The following PNPLA3 variants were observed in gnomAD, a reference collection of about 807,000 sequenced individuals.
The protein encoded by PNPLA3 is patatin like domain 3, 1-acylglycerol-3-phosphate O-acyltransferase.
Under a neutral mutation model 43.1 loss-of-function variants are expected in PNPLA3, and 42 were observed. The ratio of observed to expected loss-of-function variants is 0.97; its 90% CI spans 0.76 to 1.26. The LOEUF is 1.26. Ranked by LOEUF, PNPLA3 falls within the 50% of genes most tolerant of loss-of-function variation. The pLI, the probability that PNPLA3 is intolerant of heterozygous loss-of-function variation, is 0.00. For missense variants in PNPLA3, 647 were observed against 621.4 expected (o/e 1.04, Z -0.44); for synonymous variants, 272 against 253.6 (o/e 1.07, Z -0.69).
At position 43,940,139 on chromosome 22, in the gene PNPLA3, G is replaced by C. The variant is rs138736228; in HGVS notation, c.1112+14G>C. On this transcript the variant is annotated intron_variant, in intron 7 of 8. Coordinates refer to ENST00000216180, the MANE Select transcript of PNPLA3 (RefSeq NM_025225.3). ...GATTGTCCAGAGGTGAGCATTTTAG[G>C]TGGCTCCGTGTCTTCCTCACAGGGT... 6.2e-7 allele frequency: 1 copy of C among 1,611,980 alleles called. No individual in the cohort carries two copies. The highest frequency in any genetic ancestry group is 2.2e-5 in the East Asian group (1 of 44,868).
At chr22:43,944,023 T>C (rs2146791802) in intron 7 of PNPLA3, among the ~76,000 whole-genome samples, 1 of 152,208 alleles carries the variant, frequency 6.6e-6, no homozygotes, top group Non-Finnish European at 1.5e-5. Flanking sequence ...CCTGACCTCC[T>C]GACCTGCCTG....
intron 7 of PNPLA3, among the ~76,000 whole-genome samples, chr22:43,940,801 C>T (rs759693983): frequency 6.6e-5 from 10 of 151,148 alleles, no homozygotes; most frequent in Non-Finnish European, 1.2e-4. Flanking sequence ...AGGAGAGAAA[C>T]CCTATCTCAA....
At chr22:43,941,148 C>CA (rs577344067) in intron 7 of PNPLA3, among the ~76,000 whole-genome samples, 25,497 of 79,744 alleles carry the variant, frequency 0.32, 4,542 homozygotes, top group East Asian at 0.38. Flanking sequence ...AACTCCGACT[C>CA]AAAAAAAAAA....
chr22:43,944,025 ACCTG>A (rs947974411), intron 7 of PNPLA3, among the ~76,000 whole-genome samples: 14 of 151,848 alleles, frequency 9.2e-5, no homozygotes, highest in African/African-American at 3.4e-4. Flanking sequence ...TGACCTCCTG[ACCTG>A]CCTGCCTTGG....
chr22:43,944,905 C>A, intron 8 of PNPLA3, 110 bp downstream of exon 8: 3 of 972,880 alleles, frequency 3.1e-6, no homozygotes, highest in Non-Finnish European at 4.8e-6. Context: ...AAGGAGCTTG[C>A]CCTTGGGTGT....
At chr22:43,928,377 T>C (rs1334301485) in intron 2 of PNPLA3, among the ~76,000 whole-genome samples, 1 of 152,190 alleles carries the variant, frequency 6.6e-6, no homozygotes, top group Non-Finnish European at 1.5e-5. Flanking sequence ...TTGAGCTTAT[T>C]GGAATGGCAG....
At position 43,923,818 on chromosome 22, in the gene PNPLA3, G is replaced by C. The variant is rs1460629532; in HGVS notation, c.-94G>C. 7 of 1,269,798 alleles carry C rather than the reference G, an allele frequency of 5.5e-6. No individual in the cohort carries two copies. The highest frequency in any genetic ancestry group is 3.2e-5 in the African/African-American group (2 of 63,266). The allele number at this position is 1,269,798 out of a possible 1,614,324, so 78.7% of individuals were successfully genotyped here. Reference sequence around the variant, plus strand: ...CTGAGGCAGGGTAGAGAGCGCTTGCGGGCGCCGGGCGGAGCTGCTGCGGAT... The same window carrying C: ...CTGAGGCAGGGTAGAGAGCGCTTGCCGGCGCCGGGCGGAGCTGCTGCGGAT... On this transcript the variant is annotated 5_prime_UTR_variant, in exon 1 of 9. Coordinates refer to ENST00000216180, the MANE Select transcript of PNPLA3 (RefSeq NM_025225.3).
chr22:43,941,992 C>A (rs1211848250), intron 7 of PNPLA3, among the ~76,000 whole-genome samples: 1 of 152,146 alleles, frequency 6.6e-6, no homozygotes, highest in East Asian at 1.9e-4. Flanking sequence ...CTGGACTTGG[C>A]AGTTTAATAC....
rs367607099 is a variant in PNPLA3, at chr22:43,944,829, C to T, written c.1217+34C>T. 27 of 1,551,688 alleles carry T rather than the reference C, an allele frequency of 1.7e-5. No individual in the cohort carries two copies. The African/African-American group carries it at 1.8e-4, about 10-fold the overall frequency. ...TTTGGCTGTGGGTGTGTGGGCCGGACGGGCACCTCTCTCATCTGATGAGGC... is the reference window on the plus strand; with the variant it reads ...TTTGGCTGTGGGTGTGTGGGCCGGATGGGCACCTCTCTCATCTGATGAGGC... On this transcript the variant is annotated intron_variant, in intron 8 of 8. Transcript: ENST00000216180.
In PNPLA3 at chr22:43,923,977, C is replaced by T; in HGVS notation, c.66C>T (p.His22=). ...GCTGCGGCTTCCTGGGCTTCTACCA[C>T]GTCGGGGCGACCCGCTGCCTGAGCG... ...FAGCGFLGFY[H]VGATRCLSEH... Residue 22 remains histidine (H), a synonymous_variant, in exon 1 of 9, where the codon CAC becomes CAT. Coordinates refer to ENST00000216180, the MANE Select transcript of PNPLA3 (RefSeq NM_025225.3). 1 of 1,585,446 alleles carries T rather than the reference C, an allele frequency of 6.3e-7. No individual in the cohort carries two copies. Among genetic ancestry groups the T allele is most frequent in the Non-Finnish European group, 8.5e-7 (1 of 1,174,348 alleles).
chr22:43,940,064 A>G lies in PNPLA3; in HGVS notation c.1051A>G (p.Met351Val). The change falls in exon 7 of 9, where the codon ATG (methionine) becomes GTG (valine). Residue 351 changes from methionine (M) to valine (V), a missense_variant. Met to Val is a conservative substitution (Grantham distance 21). Transcript: ENST00000216180. ...TTGCAACTTGCTACCCATTAGGATA[A>G]TGTCTTATGTAATGCTGCCCTGTAC... ...KICNLLPIRI[M>V]SYVMLPCTLP... 1 of 1,614,048 alleles carries G rather than the reference A, an allele frequency of 6.2e-7. No homozygotes were observed. Among genetic ancestry groups the G allele is most frequent in the Non-Finnish European group, 8.5e-7 (1 of 1,179,952 alleles).
chr22:43,935,261 G>A lies in PNPLA3; in HGVS notation c.757+595G>A, dbSNP rs531510844. 1.1e-4 allele frequency among the ~76,000 whole-genome samples: 16 copies of A among 152,242 alleles called. No individual in the cohort carries two copies. In the South Asian group the frequency reaches 1.7e-3, roughly 16 times the overall value. ...CTAAAAGTTGGTTGATGAATTTGTCGTTGGCCAAGACCAAGGAGACTGCAT... is the reference window on the plus strand; with the variant it reads ...CTAAAAGTTGGTTGATGAATTTGTCATTGGCCAAGACCAAGGAGACTGCAT... On this transcript the variant is annotated intron_variant, in intron 5 of 8. Transcript: ENST00000216180.
In PNPLA3 at chr22:43,923,852, G is replaced by A. The variant is rs1469145805; in HGVS notation, c.-60G>A. ...GCGGAGCTGCTGCGGATCAGGACCCGAGCCGATTCCCGATCCCGACCCAGA... is the reference window on the plus strand; with the variant it reads ...GCGGAGCTGCTGCGGATCAGGACCCAAGCCGATTCCCGATCCCGACCCAGA... On this transcript the variant is annotated 5_prime_UTR_variant, in exon 1 of 9. Coordinates refer to ENST00000216180, the MANE Select transcript of PNPLA3 (RefSeq NM_025225.3). The A allele has an allele frequency of 3.5e-6, 5 of 1,419,012 alleles. No homozygotes were observed. The South Asian group carries it at 4.4e-5, about 12-fold the overall frequency. The allele number at this position is 1,419,012 out of a possible 1,614,324, so 87.9% of individuals were successfully genotyped here.
chr22:43,924,135 A>G (rs1024518039), intron 1 of PNPLA3, 37 bp downstream of exon 1: 130 of 1,490,774 alleles, frequency 8.7e-5, no homozygotes, highest in Non-Finnish European at 1.1e-4. Context: ...CCACGTGCGG[A>G]GTGGGTGCCC....
chr22:43,934,467 C>G, intron 4 of PNPLA3, 139 bp from the exon 5 acceptor site: 3 of 785,656 alleles, frequency 3.8e-6, no homozygotes, highest in Non-Finnish European at 6.5e-6. Flanking sequence ...TGCTCAGCCC[C>G]CAGGTGGCTC....
intron 8 of PNPLA3, among the ~76,000 whole-genome samples, chr22:43,945,432 A>C (rs1392971453): frequency 6.6e-6 from 1 of 152,106 alleles, no homozygotes; most frequent in Non-Finnish European, 1.5e-5. Flanking sequence ...TATCCTGAAA[A>C]TCATAGGCCT....
At chr22:43,942,200 C>T (rs2146790324) in intron 7 of PNPLA3, among the ~76,000 whole-genome samples, 1 of 152,288 alleles carries the variant, frequency 6.6e-6, no homozygotes, top group South Asian at 2.1e-4. Flanking sequence ...TGGGTGTGTG[C>T]CCTGGGCTGT....
intron 3 of PNPLA3, 146 bp downstream of exon 3, chr22:43,929,035 A>G: frequency 1.2e-6 from 1 of 824,294 alleles, no homozygotes; most frequent in East Asian, 2.4e-5. Context: ...CAGACAGAGT[A>G]GCCACAGCTG....
chr22:43,946,466 G>A lies in PNPLA3; in HGVS notation c.*84G>A. The A allele has an allele frequency of 7.6e-7, 1 of 1,309,542 alleles. No homozygotes were observed. The highest frequency in any genetic ancestry group is 1.1e-6 in the Non-Finnish European group (1 of 910,728). The allele number at this position is 1,309,542 out of a possible 1,614,324, so 81.1% of individuals were successfully genotyped here. A position where few individuals can be genotyped will look rare whatever the true frequency, so the allele number is the denominator to read the frequency against. On this transcript the variant is annotated 3_prime_UTR_variant, in exon 9 of 9. Coordinates refer to ENST00000216180, the MANE Select transcript of PNPLA3 (RefSeq NM_025225.3). ...TGTGCAGCTACCTCCGCATTGCTGT[G>A]TAGTGACCCCTGCCTGTGACGTGGA...
Sources: gnomAD v4.1 joint callset for allele counts (sites outside exome capture counted in the v4.1 genomes callset) on GRCh38, gnomAD v4.1.1 for gene constraint, MANE v1.5 for transcripts, NCBI Gene and HGNC (gene_info 2026-07-23, HGNC 2026-07-21) for gene names.